The following VAV2 variants were observed in gnomAD, a reference collection of about 807,000 sequenced individuals.
The protein encoded by VAV2 is guanine nucleotide exchange factor VAV2.
Under a neutral mutation model 132.5 loss-of-function variants are expected in VAV2, and 67 were observed. That is an observed-to-expected ratio of 0.51 (90% CI 0.42 to 0.62). The LOEUF is 0.62. Among genes scored for constraint, VAV2 ranks in the 20% least tolerant of loss-of-function variants. The pLI is 0.00. For synonymous variants in VAV2, 492 were observed against 443.5 expected (o/e 1.11, Z -1.37); for missense variants, 938 against 1,153.6 (o/e 0.81, Z 2.71).
rs188416233 is a variant in VAV2, at chr9:133,919,703, C to T, written c.321+19400G>A. On this transcript the variant is annotated intron_variant, in intron 2 of 29. Coordinates refer to ENST00000371850, the MANE Select transcript of VAV2 (RefSeq NM_001134398.2). The surrounding 1 kb of genome is among the most constrained non-coding windows in gnomAD (Gnocchi z 5.8). ...AGAGAGGAATGTAAGCCGGAAACAG[C>T]GCAGAGAGTGGGGCCAGATGGACGT... 4.6e-5 allele frequency among the ~76,000 whole-genome samples: 7 copies of T among 152,272 alleles called. No homozygotes were observed. Among genetic ancestry groups the T allele is most frequent in the African/African-American group, 1.2e-4 (5 of 41,534 alleles).
In VAV2 at chr9:133,785,892, G is replaced by T. The variant is rs372203406; in HGVS notation, c.1423-7C>A. Reference sequence around the variant, plus strand: ...GGTAGAAGCCGTAGGACCACTGCAGGGGGGAGAGGGGCCATGCTTGCAATA... The same window carrying T: ...GGTAGAAGCCGTAGGACCACTGCAGTGGGGAGAGGGGCCATGCTTGCAATA... On this transcript the variant is annotated splice_region_variant and splice_polypyrimidine_tract_variant and intron_variant, in intron 16 of 29. Coordinates refer to ENST00000371850, the MANE Select transcript of VAV2 (RefSeq NM_001134398.2). 8.1e-6 allele frequency: 13 copies of T among 1,611,578 alleles called. No individual in the cohort carries two copies. Among genetic ancestry groups the T allele is most frequent in the African/African-American group, 5.3e-5 (4 of 74,898 alleles).
At chr9:133,878,333 G>A (rs571599968) in intron 2 of VAV2, among the ~76,000 whole-genome samples, 1 of 152,332 alleles carries the variant, frequency 6.6e-6, no homozygotes, top group South Asian at 2.1e-4. Flanking sequence ...ACCCAAGCAC[G>A]ATCGAGGCTG....
At position 133,861,123 on chromosome 9, in the gene VAV2, A is replaced by G. The variant is rs1837576128; in HGVS notation, c.380+251T>C. 2.2e-5 allele frequency: 10 copies of G among 452,972 alleles called. 1 individual carries two copies. In the South Asian group the frequency reaches 3.8e-4, roughly 17 times the overall value. 28.1% of individuals were successfully genotyped at this position (452,972 alleles called of 1,614,324 possible). On this transcript the variant is annotated intron_variant, in intron 3 of 29. Transcript: ENST00000371850. ...AAAGGATTAATTTGCTGATCTTATTACCTAAATCGAAAGAGATTTTGCAGC... is the reference window on the plus strand; with the variant it reads ...AAAGGATTAATTTGCTGATCTTATTGCCTAAATCGAAAGAGATTTTGCAGC...
intron 4 of VAV2, among the ~76,000 whole-genome samples, chr9:133,825,022 A>C (rs1452608107): frequency 6.6e-6 from 1 of 152,138 alleles, no homozygotes; most frequent in Non-Finnish European, 1.5e-5. Flanking sequence ...GGAGCAAGAG[A>C]CCCTTGGCAG....
intron 4 of VAV2, among the ~76,000 whole-genome samples, chr9:133,830,447 T>C (rs1836220189): frequency 6.6e-6 from 1 of 152,304 alleles, no homozygotes; most frequent in East Asian, 1.9e-4. Flanking sequence ...ATTCTCATGA[T>C]AGTGAGTGAG....
intron 1 of VAV2, among the ~76,000 whole-genome samples, chr9:133,966,638 C>A (rs1014882409): frequency 1.3e-5 from 2 of 151,990 alleles, no homozygotes; most frequent in African/African-American, 4.8e-5. Flanking sequence ...GAGGTAGAGG[C>A]TGCAGTGAGC....
At chr9:133,805,182 G>A (rs1457815656) in intron 9 of VAV2, among the ~76,000 whole-genome samples, 4 of 152,106 alleles carry the variant, frequency 2.6e-5, no homozygotes, top group Non-Finnish European at 2.9e-5. Flanking sequence ...GGACCCGGGC[G>A]CCCAATGCCT....
intron 3 of VAV2, among the ~76,000 whole-genome samples, chr9:133,836,135 T>C (rs918109257): frequency 1.3e-5 from 2 of 152,172 alleles, no homozygotes; most frequent in South Asian, 2.1e-4. Flanking sequence ...TCCCATGATA[T>C]GCAGAGCCCC....
At chr9:133,900,910 T>A (rs1481205638) in intron 2 of VAV2, among the ~76,000 whole-genome samples, 2 of 151,844 alleles carry the variant, frequency 1.3e-5, no homozygotes, top group Admixed American at 6.6e-5. Context: ...GCAATTCTCC[T>A]GTCTCAGCTC....
chr9:133,798,580 C>T (rs1220656671), intron 9 of VAV2, among the ~76,000 whole-genome samples: 1 of 152,214 alleles, frequency 6.6e-6, no homozygotes, highest in Non-Finnish European at 1.5e-5. Flanking sequence ...GCCTCTGGAG[C>T]CTCAGGGTCT....
chr9:133,865,135 T>G (rs932921990), intron 2 of VAV2, among the ~76,000 whole-genome samples: 4 of 152,232 alleles, frequency 2.6e-5, no homozygotes, highest in Non-Finnish European at 5.9e-5. Context: ...TTTACTTTAC[T>G]GCACCAAGTT....
chr9:133,948,288 G>A (rs751454444), intron 1 of VAV2, among the ~76,000 whole-genome samples: 1 of 152,248 alleles, frequency 6.6e-6, no homozygotes, highest in East Asian at 1.9e-4. Context: ...GCACGCACCA[G>A]GACCAAGGCG....
chr9:133,865,641 C>T (rs1327198815), intron 2 of VAV2, among the ~76,000 whole-genome samples: 2 of 151,882 alleles, frequency 1.3e-5, no homozygotes, highest in African/African-American at 4.8e-5. Flanking sequence ...CATTCTGTTC[C>T]TTTTTTCCGA....
intron 2 of VAV2, among the ~76,000 whole-genome samples, chr9:133,887,466 C>T (rs911501677): frequency 1.3e-5 from 2 of 152,122 alleles, no homozygotes; most frequent in Non-Finnish European, 2.9e-5. Flanking sequence ...ATGGCAGCCC[C>T]AGGGCCATGG....
intron 2 of VAV2, chr9:133,927,832 A>G (rs957109079): frequency 1.1e-4 from 16 of 152,218 alleles, no homozygotes; most frequent in African/African-American, 3.6e-4. Flanking sequence ...GGATCCACTC[A>G]TGGGCCAAGG....
intron 2 of VAV2, among the ~76,000 whole-genome samples, chr9:133,901,090 G>A (rs1486083443): frequency 1.3e-5 from 2 of 151,526 alleles, no homozygotes; most frequent in South Asian, 2.1e-4. Flanking sequence ...ATGAGCCACC[G>A]TGCCCAGCCT....
Position 133,780,723 on chromosome 9 carries a change from C to T in VAV2, c.1724-13G>A. On this transcript the variant is annotated splice_polypyrimidine_tract_variant and intron_variant, in intron 19 of 29. Coordinates refer to ENST00000371850, the MANE Select transcript of VAV2 (RefSeq NM_001134398.2). ...TCTGCAGGAGAAGCTGGAAAGGAAGCAGGTCAGGTGTTAGAGGGGAGGCCA... is the reference window on the plus strand; with the variant it reads ...TCTGCAGGAGAAGCTGGAAAGGAAGTAGGTCAGGTGTTAGAGGGGAGGCCA... 1.6e-6 allele frequency: 2 copies of T among 1,275,304 alleles called. No individual in the cohort carries two copies. Among genetic ancestry groups the T allele is most frequent in the East Asian group, 3.1e-5 (1 of 31,798 alleles). The allele number at this position is 1,275,304 out of a possible 1,614,324, so 79.0% of individuals were successfully genotyped here. A position where few individuals can be genotyped will look rare whatever the true frequency, so the allele number is the denominator to read the frequency against.
intron 10 of VAV2, among the ~76,000 whole-genome samples, chr9:133,796,835 C>T (rs939722068): frequency 5.3e-5 from 8 of 152,350 alleles, no homozygotes; most frequent in South Asian, 2.1e-4. Context: ...TTGACTCTTC[C>T]GCCAGGCCAG....
chr9:133,843,163 G>A (rs1360789843), intron 3 of VAV2, among the ~76,000 whole-genome samples: 2 of 152,148 alleles, frequency 1.3e-5, no homozygotes, highest in Non-Finnish European at 2.9e-5. Context: ...ACCCGGCTCG[G>A]GGATGGCAGT....
Sources: gnomAD v4.1 joint callset for allele counts (sites outside exome capture counted in the v4.1 genomes callset) on GRCh38, gnomAD v4.1.1 for gene constraint, Gnocchi (gnomAD v3.1) non-coding constraint, MANE v1.5 for transcripts, NCBI Gene and HGNC (gene_info 2026-07-23, HGNC 2026-07-21) for gene names.